The following TFDP2 variants were observed in gnomAD, a reference collection of about 807,000 sequenced individuals.
The protein encoded by TFDP2 is transcription factor Dp-2 (E2F dimerization partner 2).
TFDP2 carries 17 observed loss-of-function variants against 59.3 expected under a neutral mutation model. The observed-to-expected ratio is 0.29, with a 90% CI of 0.20 to 0.43. The LOEUF (loss-of-function observed/expected upper bound fraction) is 0.43, where lower values mean the gene tolerates loss of function less well. TFDP2 is among the 20% of genes least tolerant of loss of function. TFDP2 has a pLI of 1.00. For missense variants in TFDP2, 391 were observed against 528.8 expected (o/e 0.74, Z 2.56); for synonymous variants, 180 against 194.7 (o/e 0.92, Z 0.63).
chr3:142,046,901 T>C (rs1404453489), intron 3 of TFDP2, among the ~76,000 whole-genome samples: 10 of 152,166 alleles, frequency 6.6e-5, no homozygotes, highest in Non-Finnish European at 5.9e-5. Context: ...TCCCCATTGA[T>C]TTTTTGAGCC....
chr3:142,010,614 A>AAG (rs1944589788), intron 3 of TFDP2, among the ~76,000 whole-genome samples: 1 of 150,796 alleles, frequency 6.6e-6, no homozygotes, highest in Admixed American at 6.6e-5. Context: ...GTCTCAAAAA[A>AAG]AAAAAAAAAA....
At chr3:142,129,106 C>T (rs544693917) in intron 1 of TFDP2, among the ~76,000 whole-genome samples, 3 of 151,864 alleles carry the variant, frequency 2.0e-5, no homozygotes, top group East Asian at 3.9e-4. Context: ...GTAGACAAGG[C>T]CTCAGAAACC....
At chr3:142,023,313 T>A (rs1015033407) in intron 3 of TFDP2, among the ~76,000 whole-genome samples, 1 of 150,818 alleles carries the variant, frequency 6.6e-6, no homozygotes, top group Admixed American at 6.6e-5. Flanking sequence ...GCCTCCTGAG[T>A]AGCTGGGATT....
intron 9 of TFDP2, among the ~76,000 whole-genome samples, chr3:141,965,523 A>G (rs1042579610): frequency 1.2e-4 from 17 of 146,794 alleles, no homozygotes; most frequent in African/African-American, 3.8e-4. Context: ...AAAGGAAAGA[A>G]AAGAAGGGAA....
At chr3:142,131,724 G>C (rs1204423042) in intron 1 of TFDP2, among the ~76,000 whole-genome samples, 1 of 150,114 alleles carries the variant, frequency 6.7e-6, no homozygotes, top group Non-Finnish European at 1.5e-5. Flanking sequence ...ACACATGTCT[G>C]GCCGGGCACG....
At chr3:142,021,568 C>A (rs141955525) in intron 3 of TFDP2, among the ~76,000 whole-genome samples, 18 of 152,310 alleles carry the variant, frequency 1.2e-4, no homozygotes, top group African/African-American at 4.1e-4. Flanking sequence ...AACCTGTTCT[C>A]TTGGCTTTGT....
At chr3:141,967,295 GTT>G (rs918604530) in intron 9 of TFDP2, among the ~76,000 whole-genome samples, 6 of 136,342 alleles carry the variant, frequency 4.4e-5, no homozygotes, top group Non-Finnish European at 7.9e-5. Flanking sequence ...TAAGTTTTTT[GTT>G]TTTTTTTTTT....
chr3:141,998,492 C>T (rs1180114059), intron 4 of TFDP2, among the ~76,000 whole-genome samples: 6 of 152,006 alleles, frequency 3.9e-5, no homozygotes, highest in Non-Finnish European at 8.8e-5. Context: ...TGGTGCACGC[C>T]GGTAATCCCA....
At chr3:142,000,586 A>T (rs1943680543) in intron 4 of TFDP2, among the ~76,000 whole-genome samples, 1 of 152,168 alleles carries the variant, frequency 6.6e-6, no homozygotes, top group African/African-American at 2.4e-5. Context: ...GGCAAAATAC[A>T]TTCATTTCAT....
chr3:141,974,084 C>A lies in TFDP2; in HGVS notation c.627G>T (p.Leu209=), dbSNP rs755172059. ...KEKKEIKWIG[L]PTNSAQECQN... Reference sequence around the variant, plus strand: ...GACATTCCTGAGCAGAATTGGTAGGCAGGCCAATCCACTTGATTTCTTTTT... The same window carrying A: ...GACATTCCTGAGCAGAATTGGTAGGAAGGCCAATCCACTTGATTTCTTTTT... The change falls in exon 8 of 13, where the codon CTG becomes CTT. Residue 209 remains leucine, a synonymous_variant. Transcript: ENST00000489671. 6.2e-7 allele frequency: 1 copy of A among 1,612,524 alleles called. No homozygotes were observed. The highest frequency in any genetic ancestry group is 8.5e-7 in the Non-Finnish European group (1 of 1,179,428).
At chr3:142,041,708 G>A (rs750571496) in intron 3 of TFDP2, among the ~76,000 whole-genome samples, 1 of 152,168 alleles carries the variant, frequency 6.6e-6, no homozygotes, top group East Asian at 1.9e-4. Context: ...TCTCTTTCAT[G>A]AATCATGCTT....
chr3:142,104,982 G>A (rs1407058921), intron 1 of TFDP2, among the ~76,000 whole-genome samples: 1 of 152,088 alleles, frequency 6.6e-6, no homozygotes, highest in Non-Finnish European at 1.5e-5. Flanking sequence ...ACTTAGTTGT[G>A]TGATCCTGAA....
chr3:142,070,506 T>C (rs2060211904), intron 3 of TFDP2, among the ~76,000 whole-genome samples: 1 of 151,984 alleles, frequency 6.6e-6, no homozygotes, highest in South Asian at 2.1e-4. Context: ...GTCTTGAACT[T>C]TGGGCTCAAA....
intron 6 of TFDP2, among the ~76,000 whole-genome samples, chr3:141,986,689 C>T (rs573071074): frequency 9.9e-5 from 15 of 152,232 alleles, no homozygotes; most frequent in Admixed American, 3.9e-4. Flanking sequence ...TGATGAGTTA[C>T]GGGTATGTGT....
intron 3 of TFDP2, among the ~76,000 whole-genome samples, chr3:142,073,806 G>A: frequency 6.6e-6 from 1 of 152,124 alleles, no homozygotes; most frequent in Non-Finnish European, 1.5e-5. Context: ...CACTGCAAAT[G>A]AAATGGTGAA....
chr3:142,056,708 GC>G (rs989289470), intron 3 of TFDP2, among the ~76,000 whole-genome samples: 2 of 152,148 alleles, frequency 1.3e-5, no homozygotes, highest in African/African-American at 4.8e-5. Flanking sequence ...GTTATTTGCT[GC>G]CCTGTGGAGA....
At chr3:141,970,280 A>G (rs1939514362) in intron 8 of TFDP2, 139 bp from the exon 9 acceptor site, 2 of 721,696 alleles carry the variant, frequency 2.8e-6, no homozygotes, top group East Asian at 2.7e-5. Context: ...AAGACAAATC[A>G]TATCTTTGTA....
chr3:142,114,026 G>T (rs1017156412), intron 1 of TFDP2, among the ~76,000 whole-genome samples: 1 of 152,102 alleles, frequency 6.6e-6, no homozygotes, highest in Non-Finnish European at 1.5e-5. Flanking sequence ...TTAGCCAGGC[G>T]TGATGGCGGG....
chr3:142,058,857 T>C (rs970782545), intron 3 of TFDP2, among the ~76,000 whole-genome samples: 4 of 152,150 alleles, frequency 2.6e-5, no homozygotes, highest in Admixed American at 6.5e-5. Context: ...ATCATGGCCA[T>C]TGGTAATCAT....
Sources: gnomAD v4.1 joint callset for allele counts (sites outside exome capture counted in the v4.1 genomes callset) on GRCh38, gnomAD v4.1.1 for gene constraint, MANE v1.5 for transcripts, NCBI Gene and HGNC (gene_info 2026-07-23, HGNC 2026-07-21) for gene names.